KCNQ3: variants seen among roughly 807,000 people sequenced by gnomAD.
The protein encoded by KCNQ3 is potassium voltage-gated channel subfamily Q member 3.
KCNQ3 carries 30 observed loss-of-function variants against 92.5 expected under a neutral mutation model. The observed-to-expected ratio is 0.32, with a 90% CI of 0.24 to 0.44. The LOEUF (loss-of-function observed/expected upper bound fraction) is 0.44. KCNQ3 is among the 20% of genes least tolerant of loss of function. The probability of loss-of-function intolerance (pLI) is 1.00; values close to 1 mark genes in which losing one functional copy is unlikely to be tolerated. For missense variants in KCNQ3, 913 were observed against 1,140.3 expected, an observed-to-expected ratio of 0.80 and a Z score of 2.87; for synonymous variants, 450 against 468.8, an observed-to-expected ratio of 0.96 and a Z score of 0.52.
At chr8:132,401,856 G>A (rs764365191) in intron 1 of KCNQ3, among the ~76,000 whole-genome samples, 13 of 152,196 alleles carry the variant, frequency 8.5e-5, no homozygotes, top group Non-Finnish European at 1.9e-4. Flanking sequence ...GACGTGGGGA[G>A]GGACAGGGGC....
At chr8:132,278,250 TC>T in intron 1 of KCNQ3, 1 of 980,668 alleles carries the variant, frequency 1.0e-6, no homozygotes, top group Non-Finnish European at 1.2e-6. Flanking sequence ...GGCATAAATC[TC>T]AATATCATTT....
intron 1 of KCNQ3, among the ~76,000 whole-genome samples, chr8:132,461,905 G>C (rs1380648862): frequency 6.6e-6 from 1 of 152,020 alleles, no homozygotes; most frequent in African/African-American, 2.4e-5. Flanking sequence ...AGAGTTCTTT[G>C]TATGTTTGCT....
intron 1 of KCNQ3, among the ~76,000 whole-genome samples, chr8:132,421,225 A>C (rs1052228255): frequency 6.6e-6 from 1 of 152,220 alleles, no homozygotes; most frequent in East Asian, 1.9e-4. Context: ...AAGATATTTG[A>C]TGACTAAATA....
At chr8:132,250,949 T>C (rs966240204) in intron 1 of KCNQ3, among the ~76,000 whole-genome samples, 3 of 152,156 alleles carry the variant, frequency 2.0e-5, no homozygotes, top group African/African-American at 4.8e-5. Flanking sequence ...TTAGACCAGA[T>C]AAGATCATTA....
At chr8:132,467,622 ACTC>A (rs956668108) in intron 1 of KCNQ3, among the ~76,000 whole-genome samples, 2 of 152,042 alleles carry the variant, frequency 1.3e-5, no homozygotes, top group African/African-American at 4.8e-5. Context: ...ACCTGCGTTT[ACTC>A]CTCCTACTGT....
intron 1 of KCNQ3, among the ~76,000 whole-genome samples, chr8:132,443,026 G>A (rs1205206367): frequency 4.6e-5 from 7 of 152,118 alleles, no homozygotes; most frequent in East Asian, 1.9e-4. Context: ...ATCTGCGGCC[G>A]GTAATCCACA....
In KCNQ3 at chr8:132,396,544, G is replaced by A. The variant is rs191846398; in HGVS notation, c.386+83603C>T. Among the ~76,000 whole-genome samples the A allele has an allele frequency of 1.6e-3, 246 of 151,928 alleles. 1 individual carries two copies. The highest frequency in any genetic ancestry group is 3.4e-3 in the Middle Eastern group (1 of 294). On this transcript the variant is annotated intron_variant, in intron 1 of 14. Transcript: ENST00000388996. ...GGTCTCAGATTTATCCAGCCTTGCC[G>A]CCTGGTAGTTCAAAAATCTAGATAC... is the stretch of plus-strand genomic sequence containing the variant.
intron 8 of KCNQ3, among the ~76,000 whole-genome samples, chr8:132,168,972 C>T (rs140860946): frequency 8.6e-5 from 13 of 151,876 alleles, no homozygotes; most frequent in Non-Finnish European, 1.5e-5. Context: ...AGCACACTAC[C>T]CATACGCTTA....
rs113173917 is a variant in KCNQ3 at position 132,169,910 on chromosome 8, G to A, written c.1235+424C>T. ...TGAGAAAGGGTCTCACGCTCACTGT[G>A]TTGCCCAGGCTGAAGTGCTGTAGCA... On this transcript the variant is annotated intron_variant, in intron 8 of 14. Coordinates refer to ENST00000388996, the MANE Select transcript of KCNQ3 (RefSeq NM_004519.4). Among the ~76,000 whole-genome samples, 1,155 of 151,844 alleles carry A rather than the reference G, an allele frequency of 7.6e-3. 16 individuals carry two copies. The highest frequency in any genetic ancestry group is 0.027 in the African/African-American group (1,105 of 41,390).
intron 1 of KCNQ3, among the ~76,000 whole-genome samples, chr8:132,329,540 T>C (rs1847299073): frequency 6.6e-6 from 1 of 152,182 alleles, no homozygotes; most frequent in Non-Finnish European, 1.5e-5. Context: ...TCAGAGGCCA[T>C]GCACACCTTC....
At chr8:132,371,556 T>C (rs968369223) in intron 1 of KCNQ3, among the ~76,000 whole-genome samples, 6 of 152,210 alleles carry the variant, frequency 3.9e-5, no homozygotes, top group African/African-American at 1.4e-4. Flanking sequence ...TTCAATATGC[T>C]GGTCCCCACA....
At position 132,321,929 on chromosome 8, in the gene KCNQ3, C is replaced by A. The variant is rs146422025; in HGVS notation, c.387-135748G>T. ...TCCAGCATTACTGTTCACAGTCCCC[C>A]CTACTGCCCAATGGAGGAGGAGGTG... On this transcript the variant is annotated intron_variant, in intron 1 of 14. Coordinates refer to ENST00000388996, the MANE Select transcript of KCNQ3 (RefSeq NM_004519.4). Among the ~76,000 whole-genome samples, 653 of 152,322 alleles carry A rather than the reference C, an allele frequency of 4.3e-3. 17 individuals carry two copies. Among genetic ancestry groups the A allele is most frequent in the Admixed American group, 0.038 (577 of 15,302 alleles).
intron 9 of KCNQ3, among the ~76,000 whole-genome samples, chr8:132,159,750 G>C (rs952928963): frequency 1.3e-5 from 2 of 152,206 alleles, no homozygotes; most frequent in African/African-American, 4.8e-5. Flanking sequence ...TCTGATGGCT[G>C]CCTATGTGAA....
At chr8:132,201,094 T>C (rs145904384) in intron 1 of KCNQ3, among the ~76,000 whole-genome samples, 106 of 152,200 alleles carry the variant, frequency 7.0e-4, no homozygotes, top group African/African-American at 2.5e-3. Flanking sequence ...AGAAATCCAC[T>C]CTTGCAATAA....
At chr8:132,149,737 G>A (rs1312539969) in intron 9 of KCNQ3, among the ~76,000 whole-genome samples, 1 of 152,112 alleles carries the variant, frequency 6.6e-6, no homozygotes, top group Non-Finnish European at 1.5e-5. Flanking sequence ...CTTCCCTACC[G>A]ACTGGAGTGC....
intron 1 of KCNQ3, among the ~76,000 whole-genome samples, chr8:132,280,381 T>A (rs1208701174): frequency 6.6e-6 from 1 of 152,184 alleles, no homozygotes; most frequent in Non-Finnish European, 1.5e-5. Context: ...AGGGAGCTTT[T>A]ACTCACGGCA....
At chr8:132,471,826 A>G (rs1415075169) in intron 1 of KCNQ3, among the ~76,000 whole-genome samples, 1 of 152,204 alleles carries the variant, frequency 6.6e-6, no homozygotes, top group Non-Finnish European at 1.5e-5. Flanking sequence ...CAACAGAGTG[A>G]AGAGACAACC....
intron 1 of KCNQ3, among the ~76,000 whole-genome samples, chr8:132,478,358 C>G (rs766536837): frequency 6.6e-6 from 1 of 152,160 alleles, no homozygotes; most frequent in Non-Finnish European, 1.5e-5. Flanking sequence ...ATAGGACCCC[C>G]AGGTTTTTCA....
At chr8:132,462,380 G>T (rs575075150) in intron 1 of KCNQ3, among the ~76,000 whole-genome samples, 112 of 152,128 alleles carry the variant, frequency 7.4e-4, no homozygotes, top group Non-Finnish European at 1.4e-3. Flanking sequence ...AGTAGAGAAG[G>T]TTTCACCATG....
Sources: allele counts gnomAD v4.1 joint callset (sites outside exome capture counted in the v4.1 genomes callset), GRCh38; gene constraint gnomAD v4.1.1; transcripts MANE v1.5; gene names NCBI Gene and HGNC (gene_info 2026-07-23, HGNC 2026-07-21).